SLC4A4: variants seen among roughly 807,000 people sequenced by gnomAD.
The protein encoded by SLC4A4 is electrogenic sodium bicarbonate cotransporter 1.
In SLC4A4, 27 loss-of-function variants were observed where a neutral mutation model predicts 111.5. That is an observed-to-expected ratio of 0.24 (90% CI 0.18 to 0.33). The LOEUF (loss-of-function observed/expected upper bound fraction) is 0.33. Ranked by LOEUF, SLC4A4 falls within the 10% of genes least tolerant of loss-of-function variation. SLC4A4 has a pLI of 1.00. For synonymous variants in SLC4A4, 443 were observed against 463.4 expected (o/e 0.96, Z 0.57); for missense variants, 909 against 1,315.5 (o/e 0.69, Z 4.78).
chr4:71,450,605 TA>T (rs879740266), intron 10 of SLC4A4, 62 bp downstream of exon 10: 42,821 of 1,075,970 alleles, frequency 0.04, 6 homozygotes, highest in South Asian at 0.045. Flanking sequence ...GAGGTTGTGT[TA>T]AAAAAAAAAA....
At chr4:71,258,476 T>C (rs2149064965) in intron 3 of SLC4A4, among the ~76,000 whole-genome samples, 1 of 152,288 alleles carries the variant, frequency 6.6e-6, no homozygotes, top group African/African-American at 2.4e-5. Context: ...GTTGCTGGAT[T>C]GTAAACTCCG....
At chr4:71,120,872 T>A (rs1743393582) in intron 2 of SLC4A4, among the ~76,000 whole-genome samples, 1 of 152,146 alleles carries the variant, frequency 6.6e-6, no homozygotes, top group South Asian at 2.1e-4. Context: ...TGGGAGCCCC[T>A]CTCTGGGCTG....
chr4:71,462,448 G>A (rs568060023), intron 12 of SLC4A4, among the ~76,000 whole-genome samples: 19 of 128,538 alleles, frequency 1.5e-4, no homozygotes, highest in African/African-American at 2.4e-4. Flanking sequence ...TGAAACTGTC[G>A]CCTAGGCTGG....
chr4:71,180,706 G>A (rs1745259597), intron 2 of SLC4A4, among the ~76,000 whole-genome samples: 1 of 152,198 alleles, frequency 6.6e-6, no homozygotes. Context: ...AACAACAGGT[G>A]CTGGAGAGGA....
intron 24 of SLC4A4, among the ~76,000 whole-genome samples, chr4:71,565,009 A>C (rs1431026694): frequency 6.9e-6 from 1 of 145,192 alleles, no homozygotes; most frequent in Non-Finnish European, 1.5e-5. Flanking sequence ...TCTGAAGACT[A>C]TTTTTTTTTT....
rs1459568271 is a variant in SLC4A4 at position 71,440,062 on chromosome 4, T to A, written c.808-554T>A. On this transcript the variant is annotated intron_variant, in intron 7 of 25. Transcript: ENST00000264485. ...GGCCTAGAATGTTCTTTCCTCCAAT[T>A]TTTGCATAGCTTGTATCTTTACTCC... Among the ~76,000 whole-genome samples, 7 of 152,196 alleles carry A rather than the reference T, an allele frequency of 4.6e-5. No homozygotes were observed. In the East Asian group the frequency reaches 7.7e-4, roughly 17 times the overall value.
At chr4:71,206,219 G>A (rs1169376587) in intron 1 of SLC4A4, among the ~76,000 whole-genome samples, 6 of 152,102 alleles carry the variant, frequency 3.9e-5, no homozygotes, top group Non-Finnish European at 8.8e-5. Flanking sequence ...GATATTTAAA[G>A]GAGTATTGGA....
intron 16 of SLC4A4, among the ~76,000 whole-genome samples, chr4:71,518,537 G>A (rs970483788): frequency 7.9e-5 from 12 of 152,138 alleles, no homozygotes; most frequent in Non-Finnish European, 1.6e-4. Context: ...TGGGCCTGGA[G>A]CCTGAGGCCA....
intron 13 of SLC4A4, among the ~76,000 whole-genome samples, chr4:71,471,123 G>A (rs557188189): frequency 1.3e-4 from 20 of 151,994 alleles, no homozygotes; most frequent in Non-Finnish European, 2.6e-4. Flanking sequence ...CATAGGAACA[G>A]TCATGTCTTG....
At chr4:71,452,078 G>C (rs1008555871) in intron 11 of SLC4A4, among the ~76,000 whole-genome samples, 5 of 116,012 alleles carry the variant, frequency 4.3e-5, no homozygotes, top group Non-Finnish European at 7.0e-5. Context: ...TGAAGATATG[G>C]CTTTTTAAAA....
At chr4:71,531,590 C>T (rs1006612382) in intron 16 of SLC4A4, among the ~76,000 whole-genome samples, 1 of 152,046 alleles carries the variant, frequency 6.6e-6, no homozygotes, top group Non-Finnish European at 1.5e-5. Context: ...ACTCTGTACT[C>T]ACAGTGCTGC....
intron 4 of SLC4A4, among the ~76,000 whole-genome samples, chr4:71,348,735 C>T (rs1378854309): frequency 6.6e-6 from 1 of 152,110 alleles, no homozygotes; most frequent in Non-Finnish European, 1.5e-5. Flanking sequence ...ATTTTCACTC[C>T]TGGTCTACTA....
chr4:71,078,418 G>A (rs1741906482), intron 1 of SLC4A4, among the ~76,000 whole-genome samples: 1 of 152,068 alleles, frequency 6.6e-6, no homozygotes, highest in South Asian at 2.1e-4. Context: ...CAAGGTGTAG[G>A]GGGAAGTGGT....
chr4:71,065,695 A>G (rs537486002), intron 1 of SLC4A4, among the ~76,000 whole-genome samples: 3 of 152,132 alleles, frequency 2.0e-5, no homozygotes, highest in African/African-American at 7.2e-5. Flanking sequence ...GTTTGTCTGG[A>G]AAATTGCCCT....
At chr4:71,209,078 G>T (rs922917974) in intron 1 of SLC4A4, among the ~76,000 whole-genome samples, 1 of 152,134 alleles carries the variant, frequency 6.6e-6, no homozygotes. Context: ...AAATTTTCTT[G>T]CCTTTGTAGT....
chr4:71,570,614 C>T lies in SLC4A4; in HGVS notation c.*2863C>T, dbSNP rs953855379. On this transcript the variant is annotated 3_prime_UTR_variant, in exon 26 of 26. Transcript: ENST00000264485. ...TCTCCCTTCTCCATGATGTGACTTCCGGAGATAAAGGATTCAAAAGATAAA... is the reference window on the plus strand; with the variant it reads ...TCTCCCTTCTCCATGATGTGACTTCTGGAGATAAAGGATTCAAAAGATAAA... 3 of 152,032 alleles carry T rather than the reference C, an allele frequency of 2.0e-5. No individual in the cohort carries two copies. Among genetic ancestry groups the T allele is most frequent in the East Asian group, 1.9e-4 (1 of 5,134 alleles). 9.4% of individuals were successfully genotyped at this position (152,032 alleles called of 1,614,324 possible).
At chr4:71,526,833 G>A (rs1199275622) in intron 16 of SLC4A4, among the ~76,000 whole-genome samples, 2 of 151,802 alleles carry the variant, frequency 1.3e-5, no homozygotes, top group Admixed American at 6.6e-5. Flanking sequence ...TACCACCTAG[G>A]GGCTGCCTGC....
rs531074850 is a variant in SLC4A4 at position 71,553,383 on chromosome 4, C to T, written c.2695-1757C>T. ...AGTGTCCTTCACTTTGACATTAGAA[C>T]CACATTAGAAAAAACATTTAGCTAA... On this transcript the variant is annotated intron_variant, in intron 20 of 25. Coordinates refer to ENST00000264485, the MANE Select transcript of SLC4A4 (RefSeq NM_001098484.3). 5.1e-4 allele frequency among the ~76,000 whole-genome samples: 77 copies of T among 151,866 alleles called. 1 individual carries two copies. The highest frequency in any genetic ancestry group is 1.8e-3 in the African/African-American group (73 of 41,482).
At chr4:71,464,503 T>A (rs1487391187) in intron 12 of SLC4A4, among the ~76,000 whole-genome samples, 1 of 152,166 alleles carries the variant, frequency 6.6e-6, no homozygotes, top group Non-Finnish European at 1.5e-5. Context: ...ATGGTACCCT[T>A]CAGCCATGTG....
Sources: allele counts gnomAD v4.1 joint callset (sites outside exome capture counted in the v4.1 genomes callset), GRCh38; gene constraint gnomAD v4.1.1; transcripts MANE v1.5; gene names NCBI Gene and HGNC (gene_info 2026-07-23, HGNC 2026-07-21).